The following RRH variants were observed in gnomAD, a reference collection of about 807,000 sequenced individuals.
The protein encoded by RRH is visual pigment-like receptor peropsin.
In RRH, 36 loss-of-function variants were observed where a neutral mutation model predicts 33.1. That is an observed-to-expected ratio of 1.09 (90% CI 0.83 to 1.44). The LOEUF (loss-of-function observed/expected upper bound fraction) is 1.44. Ranked by LOEUF, RRH falls within the 40% of genes most tolerant of loss-of-function variation. The pLI is 0.00. For synonymous variants in RRH, 124 were observed against 140.2 expected (o/e 0.88, Z 0.82); for missense variants, 393 against 420.2 (o/e 0.94, Z 0.57).
intron 1 of RRH, among the ~76,000 whole-genome samples, 178 bp downstream of exon 1, chr4:109,828,311 T>C (rs755812295): frequency 3.9e-5 from 6 of 152,116 alleles, no homozygotes; most frequent in Admixed American, 2.0e-4. Flanking sequence ...TTCTGGGCTG[T>C]AAAGATCAAA....
Position 109,842,470 on chromosome 4 carries a change from T to A in RRH, c.722T>A (p.Met241Lys). ...TGGTGAATATTTATTTCTTTTCAGA[T>A]GTCTGTGATCATGATCTGCATGTTT... ...DWSDQIDVTKMSVIMICMFLV... is the reference protein window; with the variant it reads ...DWSDQIDVTKKSVIMICMFLV... The change falls in exon 6 of 7, where the codon ATG becomes AAG. Residue 241 changes from methionine (M) to lysine (K), a missense_variant and splice_region_variant. By Grantham distance (95) the Met-to-Lys change is moderately conservative (BLOSUM62 -1). Coordinates refer to ENST00000317735, the MANE Select transcript of RRH (RefSeq NM_006583.5). The A allele has an allele frequency of 1.2e-6, 2 of 1,613,926 alleles. No individual in the cohort carries two copies. The highest frequency in any genetic ancestry group is 8.5e-7 in the Non-Finnish European group (1 of 1,179,816).
intron 4 of RRH, among the ~76,000 whole-genome samples, chr4:109,836,809 C>T (rs1469035467): frequency 2.8e-5 from 4 of 140,934 alleles, no homozygotes; most frequent in Non-Finnish European, 6.0e-5. Context: ...AATCCCAGCA[C>T]TTTGTGAGGC....
chr4:109,842,049 G>A (rs1017741796), intron 5 of RRH, among the ~76,000 whole-genome samples: 2 of 152,096 alleles, frequency 1.3e-5, no homozygotes, highest in African/African-American at 4.8e-5. Context: ...GGTAATCCCA[G>A]TAAGAGCAAA....
intron 5 of RRH, among the ~76,000 whole-genome samples, chr4:109,841,151 A>T (rs1733974982): frequency 6.6e-6 from 1 of 152,102 alleles, no homozygotes; most frequent in Admixed American, 6.6e-5. Context: ...TATATTTTTC[A>T]TGTTGCTCCC....
At position 109,844,154 on chromosome 4, in the gene RRH, C is replaced by T. The variant is rs775000228; in HGVS notation, c.971C>T (p.Pro324Leu). Reference sequence around the variant, plus strand: ...ACAATGCCTGTGACAAGTATTTTACCCATGGATGTATCTCAAAACCCATTG... The same window carrying T: ...ACAATGCCTGTGACAAGTATTTTACTCATGGATGTATCTCAAAACCCATTG... Reference protein sequence around the residue: ...HQTMPVTSILPMDVSQNPLAS... With the variant: ...HQTMPVTSILLMDVSQNPLAS... The change falls in exon 7 of 7, where the codon CCC becomes CTC. Residue 324 changes from proline (P) to leucine (L), a missense_variant. Coordinates refer to ENST00000317735, the MANE Select transcript of RRH (RefSeq NM_006583.5). The T allele has an allele frequency of 1.2e-6, 2 of 1,613,460 alleles. No homozygotes were observed. Among genetic ancestry groups the T allele is most frequent in the Admixed American group, 3.3e-5 (2 of 60,006 alleles).
At chr4:109,841,287 C>T (rs1168840606) in intron 5 of RRH, among the ~76,000 whole-genome samples, 1 of 152,092 alleles carries the variant, frequency 6.6e-6, no homozygotes, top group Non-Finnish European at 1.5e-5. Context: ...GTGGGAGGCA[C>T]AAGTCTATCT....
chr4:109,830,097 C>T (rs1733718366), intron 1 of RRH, among the ~76,000 whole-genome samples: 1 of 152,170 alleles, frequency 6.6e-6, no homozygotes, highest in African/African-American at 2.4e-5. Context: ...TAAACTGTTA[C>T]AACTTCCAGT....
chr4:109,842,382 A>G (rs1441394799), intron 5 of RRH, 87 bp from the exon 6 acceptor site: 26 of 1,259,976 alleles, frequency 2.1e-5, no homozygotes, highest in African/African-American at 3.0e-5. Flanking sequence ...TCAAATTCCA[A>G]CCCAGATAGA....
chr4:109,833,371 A>C, intron 2 of RRH, 42 bp downstream of exon 2: 1 of 1,465,182 alleles, frequency 6.8e-7, no homozygotes, highest in Middle Eastern at 1.7e-4. Context: ...AAATAGATCA[A>C]ATAAATGTAA....
At chr4:109,829,723 G>A (rs1289653149) in intron 1 of RRH, among the ~76,000 whole-genome samples, 1 of 152,058 alleles carries the variant, frequency 6.6e-6, no homozygotes, top group African/African-American at 2.4e-5. Flanking sequence ...CATTTACTAA[G>A]CAGCTACACC....
rs146544188 is a variant in RRH, at chr4:109,829,506, C to A, written c.106+1373C>A. ...CATGCAGAAAATATTCTATTTAGTT[C>A]TTATCTCTGTAACAGTAATAATAAT... On this transcript the variant is annotated intron_variant, in intron 1 of 6. Transcript: ENST00000317735. Among the ~76,000 whole-genome samples, 696 of 151,614 alleles carry A rather than the reference C, an allele frequency of 4.6e-3. 6 individuals carry two copies. The highest frequency in any genetic ancestry group is 0.015 in the African/African-American group (620 of 41,382).
chr4:109,841,093 G>C (rs942408857), intron 5 of RRH, among the ~76,000 whole-genome samples: 1 of 152,062 alleles, frequency 6.6e-6, no homozygotes, highest in African/African-American at 2.4e-5. Context: ...ACATGATGCA[G>C]ATAATTTTGT....
At position 109,837,519 on chromosome 4, in the gene RRH, G is replaced by A. The variant is rs1479300935; in HGVS notation, c.634G>A (p.Val212Ile). The change falls in exon 5 of 7, where the codon GTC becomes ATC. Residue 212 changes from valine to isoleucine, a missense_variant. Coordinates refer to ENST00000317735, the MANE Select transcript of RRH (RefSeq NM_006583.5). ...LTVMFYCYYH[V>I]TLSIKHHTTS... is the part of the protein sequence containing the mutation. The stretch of plus-strand genomic sequence containing the variant: ...AGTGATGTTTTACTGCTATTACCAT[G>A]TCACGCTATCCATTAAACATCACAC... 6.2e-7 allele frequency: 1 copy of A among 1,613,436 alleles called. No homozygotes were observed. The highest frequency in any genetic ancestry group is 1.1e-5 in the South Asian group (1 of 91,072).
At chr4:109,837,980 T>C (rs1379830456) in intron 5 of RRH, among the ~76,000 whole-genome samples, 1 of 152,208 alleles carries the variant, frequency 6.6e-6, no homozygotes, top group African/African-American at 2.4e-5. Context: ...GGTTTCACCA[T>C]GTTGGGCCAG....
At chr4:109,841,524 T>C (rs1733982373) in intron 5 of RRH, among the ~76,000 whole-genome samples, 1 of 152,120 alleles carries the variant, frequency 6.6e-6, no homozygotes, top group African/African-American at 2.4e-5. Flanking sequence ...GTCTACTTTC[T>C]TTGTAGATTT....
chr4:109,831,701 G>T (rs1297211101), intron 1 of RRH, among the ~76,000 whole-genome samples: 1 of 152,086 alleles, frequency 6.6e-6, no homozygotes, highest in Non-Finnish European at 1.5e-5. Context: ...AGAATGGAGA[G>T]TTCACTTGAC....
At chr4:109,828,378 C>A (rs753882581) in intron 1 of RRH, among the ~76,000 whole-genome samples, 2 of 151,994 alleles carry the variant, frequency 1.3e-5, no homozygotes, top group Non-Finnish European at 2.9e-5. Flanking sequence ...GCCATTGCCA[C>A]AGGTTATTTT....
intron 5 of RRH, among the ~76,000 whole-genome samples, chr4:109,840,850 C>T (rs1175944237): frequency 6.6e-6 from 1 of 151,694 alleles, no homozygotes; most frequent in Admixed American, 6.6e-5. Context: ...TGATTGTAAG[C>T]ATGGAGATGC....
intron 3 of RRH, 69 bp downstream of exon 3, chr4:109,835,534 C>T (rs947852349): frequency 4.1e-5 from 43 of 1,043,968 alleles, no homozygotes; most frequent in Non-Finnish European, 5.3e-5. Context: ...TATATATATA[C>T]GCTAAAATAT....
Sources: gnomAD v4.1 joint callset for allele counts (sites outside exome capture counted in the v4.1 genomes callset) on GRCh38, gnomAD v4.1.1 for gene constraint, MANE v1.5 for transcripts, NCBI Gene and HGNC (gene_info 2026-07-23, HGNC 2026-07-21) for gene names.